The following NUP133 variants were observed in gnomAD, a reference collection of about 807,000 sequenced individuals.
NUP133 encodes nuclear pore complex protein Nup133.
In NUP133, 66 loss-of-function variants were observed where a neutral mutation model predicts 146.2. That is an observed-to-expected ratio of 0.45 (90% CI 0.37 to 0.55). The LOEUF is 0.55. NUP133 is among the 20% of genes least tolerant of loss of function. The pLI is 0.00. For missense variants in NUP133, 1,277 were observed against 1,374.8 expected (o/e 0.93, Z 1.12); for synonymous variants, 521 against 498.8 (o/e 1.04, Z -0.59).
rs1558091763 is a variant in NUP133 at position 229,458,154 on chromosome 1, CT to C, written c.2980+6del. 6.2e-7 allele frequency: 1 copy of C among 1,607,030 alleles called. No individual in the cohort carries two copies. The highest frequency in any genetic ancestry group is 1.7e-5 in the Admixed American group (1 of 58,812). On this transcript the variant is annotated splice_donor_region_variant and intron_variant, in intron 21 of 25. Transcript: ENST00000261396. ...ATTTGTAAATCCTTTTGCTCAAATT[CT>C]TTCACCTTCAATTTTTTCTTGTAGC...
intron 21 of NUP133, among the ~76,000 whole-genome samples, chr1:229,457,281 TA>T (rs1660591326): frequency 6.6e-6 from 1 of 152,210 alleles, no homozygotes; most frequent in African/African-American, 2.4e-5. Context: ...AATCAGATTC[TA>T]TCTGGTATTT....
intron 24 of NUP133, 160 bp downstream of exon 24, chr1:229,448,966 C>A: frequency 1.6e-6 from 1 of 638,034 alleles, no homozygotes; most frequent in South Asian, 1.8e-5. Context: ...GGACATTCAG[C>A]TGGTGCCCAC....
chr1:229,475,479 C>T (rs1239185845), intron 14 of NUP133, among the ~76,000 whole-genome samples, 159 bp downstream of exon 14: 2 of 152,216 alleles, frequency 1.3e-5, no homozygotes, highest in Admixed American at 6.5e-5. Flanking sequence ...GGCTTGTACA[C>T]AGCCCTGGAA....
Position 229,486,458 on chromosome 1 carries a change from C to CA in NUP133, c.1412dup (p.Ser472ValfsTer29). ...ACACATTTTCCCTTGAAGTAATAGA[C>CA]ACCAGTCCACTGTTTCTAGAAAAAA... On this transcript the variant is annotated frameshift_variant, in exon 11 of 26. Coordinates refer to ENST00000261396, the MANE Select transcript of NUP133 (RefSeq NM_018230.3). LOFTEE classifies it high-confidence loss of function. The CA allele has an allele frequency of 6.2e-7, 1 of 1,611,250 alleles. No individual in the cohort carries two copies. Among genetic ancestry groups the CA allele is most frequent in the Non-Finnish European group, 8.5e-7 (1 of 1,179,108 alleles).
intron 8 of NUP133, 49 bp from the exon 9 acceptor site, chr1:229,490,151 G>T: frequency 7.0e-7 from 1 of 1,426,802 alleles, no homozygotes; most frequent in Non-Finnish European, 9.3e-7. Context: ...AAACAACTTA[G>T]GAGTTTCCTA....
At chr1:229,467,631 C>G (rs1324697844) in intron 15 of NUP133, among the ~76,000 whole-genome samples, 1 of 151,692 alleles carries the variant, frequency 6.6e-6, no homozygotes, top group African/African-American at 2.4e-5. Flanking sequence ...ACATGAAAAA[C>G]ACAATGAAAG....
At chr1:229,465,892 C>CA (rs71561801) in intron 16 of NUP133, among the ~76,000 whole-genome samples, 18,563 of 77,550 alleles carry the variant, frequency 0.24, 1,631 homozygotes, top group Middle Eastern at 0.35. Flanking sequence ...CCATGTCTCA[C>CA]AAAAAAAAAA....
chr1:229,505,555 A>G (rs906398076), intron 2 of NUP133, among the ~76,000 whole-genome samples: 8 of 140,550 alleles, frequency 5.7e-5, no homozygotes, highest in Non-Finnish European at 1.2e-4. Flanking sequence ...TATACATCTC[A>G]ATTACAGTTA....
intron 1 of NUP133, 49 bp downstream of exon 1, chr1:229,508,019 C>CG (rs774484013): frequency 7.1e-7 from 1 of 1,410,584 alleles, no homozygotes; most frequent in Non-Finnish European, 9.3e-7. Context: ...CGGCCCACTG[C>CG]GGCCCGTGAG....
chr1:229,500,932 C>A (rs1424097437), intron 3 of NUP133, 69 bp from the exon 4 acceptor site: 10 of 902,872 alleles, frequency 1.1e-5, no homozygotes, highest in Middle Eastern at 2.2e-4. Flanking sequence ...ATCTGATTTC[C>A]CTTCTCTGCA....
intron 4 of NUP133, among the ~76,000 whole-genome samples, chr1:229,500,040 T>C (rs987987432): frequency 2.6e-5 from 4 of 152,190 alleles, no homozygotes; most frequent in African/African-American, 9.7e-5. Flanking sequence ...TCACTAAGTG[T>C]CTGTTCAAGT....
intron 13 of NUP133, among the ~76,000 whole-genome samples, 158 bp downstream of exon 13, chr1:229,477,439 C>CA (rs545949314): frequency 0.048 from 3,503 of 72,914 alleles, 101 homozygotes; most frequent in Admixed American, 0.12. Flanking sequence ...TGCTCTGTCT[C>CA]AAAAAAAAAA....
Position 229,505,894 on chromosome 1 carries a change from A to C in NUP133, c.301+146T>G, listed in dbSNP as rs866564919. 5 of 512,264 alleles carry C rather than the reference A, an allele frequency of 9.8e-6. No individual in the cohort carries two copies. The Middle Eastern group carries it at 1.3e-3, about 132-fold the overall frequency. The allele number at this position is 512,264 out of a possible 1,614,324, so 31.7% of individuals were successfully genotyped here. ...CAGAGTGAGACTCTGTCTCGAAAAA[A>C]TAAAAATAAAAAAACACTAGACAGG... On this transcript the variant is annotated intron_variant, in intron 2 of 25. Coordinates refer to ENST00000261396, the MANE Select transcript of NUP133 (RefSeq NM_018230.3).
At chr1:229,483,764 G>C (rs1571929121) in intron 12 of NUP133, among the ~76,000 whole-genome samples, 1 of 138,506 alleles carries the variant, frequency 7.2e-6, no homozygotes, top group Non-Finnish European at 1.6e-5. Flanking sequence ...ATACGTAAAA[G>C]ACCCTTGCAA....
chr1:229,508,313 G>T lies in NUP133; in HGVS notation c.-64C>A. The T allele has an allele frequency of 7.9e-7, 1 of 1,263,806 alleles. No individual in the cohort carries two copies. The highest frequency in any genetic ancestry group is 1.8e-5 in the South Asian group (1 of 54,306). The allele number at this position is 1,263,806 out of a possible 1,614,324, so 78.3% of individuals were successfully genotyped here. On this transcript the variant is annotated 5_prime_UTR_variant, in exon 1 of 26. Coordinates refer to ENST00000261396, the MANE Select transcript of NUP133 (RefSeq NM_018230.3). ...GCCGTCAGGTTGCAGCCTGGCCTGCGCGCGGAACTTAAACACCTAAGGGAA... is the reference window on the plus strand; with the variant it reads ...GCCGTCAGGTTGCAGCCTGGCCTGCTCGCGGAACTTAAACACCTAAGGGAA...
At chr1:229,507,974 C>G (rs1490716230) in intron 1 of NUP133, 94 bp downstream of exon 1, 2 of 1,314,580 alleles carry the variant, frequency 1.5e-6, no homozygotes, top group Non-Finnish European at 2.0e-6. Flanking sequence ...TTCCGCCGCC[C>G]CGGTTCCAAA....
intron 12 of NUP133, among the ~76,000 whole-genome samples, chr1:229,482,345 T>C (rs150525038): frequency 5.3e-5 from 8 of 152,088 alleles, no homozygotes; most frequent in Admixed American, 1.3e-4. Context: ...GTACACTCAG[T>C]ATATTCCTTC....
intron 15 of NUP133, among the ~76,000 whole-genome samples, chr1:229,467,621 A>C (rs1026284258): frequency 6.6e-6 from 1 of 152,088 alleles, no homozygotes; most frequent in Non-Finnish European, 1.5e-5. Flanking sequence ...TACATTGTTA[A>C]CATGAAAAAC....
intron 13 of NUP133, among the ~76,000 whole-genome samples, chr1:229,476,928 C>CA (rs745478707): frequency 0.017 from 1,210 of 72,200 alleles, 8 homozygotes; most frequent in South Asian, 0.033. Context: ...ACCCTGTTTC[C>CA]AAAAAAAAAA....
Sources: allele counts gnomAD v4.1 joint callset (sites outside exome capture counted in the v4.1 genomes callset), GRCh38; gene constraint gnomAD v4.1.1; transcripts MANE v1.5; gene names NCBI Gene and HGNC (gene_info 2026-07-23, HGNC 2026-07-21).